Variants in PPIP5K2 observed in about 807,000 individuals in gnomAD.
The protein encoded by PPIP5K2 is inositol hexakisphosphate and diphosphoinositol-pentakisphosphate kinase 2.
In PPIP5K2, 105 loss-of-function variants were observed where a neutral mutation model predicts 154.6. The ratio of observed to expected loss-of-function variants is 0.68; its 90% CI spans 0.58 to 0.80. The LOEUF (loss-of-function observed/expected upper bound fraction) is 0.80, where lower values mean the gene tolerates loss of function less well. Among genes scored for constraint, PPIP5K2 ranks in the 30% least tolerant of loss-of-function variants. The pLI, the probability that PPIP5K2 is intolerant of heterozygous loss-of-function variation, is 0.00. For synonymous variants in PPIP5K2, 480 were observed against 490.3 expected (o/e 0.98, Z 0.28); for missense variants, 992 against 1,504.6 (o/e 0.66, Z 5.64).
At chr5:103,191,090 G>A (rs185363935) in intron 29 of PPIP5K2, 108 bp downstream of exon 29, 2 of 993,650 alleles carry the variant, frequency 2.0e-6, no homozygotes, top group Non-Finnish European at 2.9e-6. Context: ...GTAATGAGTA[G>A]GAGTACAAAG....
chr5:103,153,882 C>A lies in PPIP5K2; in HGVS notation c.1165C>A (p.His389Asn). ...ELRCVIAVIR[H>N]GDRTPKQKMK... ...TAGATGTGTCATAGCTGTTATACGT[C>A]ATGGGGATCGAACACCAAAACAAAA... The change falls in exon 11 of 31, where the codon CAT (histidine) becomes AAT (asparagine). Residue 389 changes from histidine to asparagine, a missense_variant. Physicochemically the swap from His to Asn is moderately conservative, Grantham distance 68. This residue lies in a region of PPIP5K2 where 163 missense variants were observed against 285.2 expected (regional missense o/e 0.57). Coordinates refer to ENST00000358359, the MANE Select transcript of PPIP5K2 (RefSeq NM_001276277.3). 1 of 1,607,540 alleles carries A rather than the reference C, an allele frequency of 6.2e-7. No individual in the cohort carries two copies. Among genetic ancestry groups the A allele is most frequent in the South Asian group, 1.1e-5 (1 of 90,142 alleles).
intron 21 of PPIP5K2, among the ~76,000 whole-genome samples, chr5:103,177,179 A>AT (rs1798854131): frequency 6.6e-6 from 1 of 151,934 alleles, no homozygotes; most frequent in South Asian, 2.1e-4. Flanking sequence ...TTTATTTTTC[A>AT]TTTTGTATAA....
intron 19 of PPIP5K2, among the ~76,000 whole-genome samples, chr5:103,171,247 A>T (rs1027391639): frequency 2.2e-4 from 33 of 151,590 alleles, no homozygotes; most frequent in African/African-American, 7.5e-4. Context: ...TTTAAAAATG[A>T]TGCTTTATAG....
intron 19 of PPIP5K2, among the ~76,000 whole-genome samples, chr5:103,171,266 G>T (rs1797936622): frequency 6.6e-6 from 1 of 151,434 alleles, no homozygotes; most frequent in Non-Finnish European, 1.5e-5. Flanking sequence ...AGCCATGATG[G>T]TATAGTGGTA....
In PPIP5K2 at chr5:103,201,627, AGAAAT is replaced by A. The variant is rs1554230496; in HGVS notation, c.3731_*3del. On this transcript the variant is annotated frameshift_variant and stop_lost, in exon 31 of 31. Coordinates refer to ENST00000358359, the MANE Select transcript of PPIP5K2 (RefSeq NM_001276277.3). LOFTEE classifies it high-confidence loss of function. Reference sequence around the variant, plus strand: ...GAACACAAAAAAAACACTGGGAAAAAGAAATGAAATCTTAGCAGAAGCTGGAACTT... The same window carrying A: ...GAACACAAAAAAAACACTGGGAAAAAGAAATCTTAGCAGAAGCTGGAACTT... 2 of 1,589,928 alleles carry A rather than the reference AGAAAT, an allele frequency of 1.3e-6. No individual in the cohort carries two copies. Among genetic ancestry groups the A allele is most frequent in the Non-Finnish European group, 1.7e-6 (2 of 1,163,494 alleles).
At chr5:103,144,249 A>G (rs1793357513) in intron 5 of PPIP5K2, among the ~76,000 whole-genome samples, 1 of 152,162 alleles carries the variant, frequency 6.6e-6, no homozygotes, top group Non-Finnish European at 1.5e-5. Context: ...TCTACAATGA[A>G]AACCATAAAA....
At chr5:103,128,673 C>G (rs1320501607) in intron 1 of PPIP5K2, among the ~76,000 whole-genome samples, 1 of 151,406 alleles carries the variant, frequency 6.6e-6, no homozygotes, top group Non-Finnish European at 1.5e-5. Context: ...TGCACATGTA[C>G]TTTTTTTTTC....
rs943301920 is a variant in PPIP5K2 at position 103,212,306 on chromosome 5, C to G, written c.*10672C>G. ...ACAATCCAGGGCACACACATGACTCCCGCAATAGGAAACCACACTGAAGAC... is the reference window on the plus strand; with the variant it reads ...ACAATCCAGGGCACACACATGACTCGCGCAATAGGAAACCACACTGAAGAC... On this transcript the variant is annotated 3_prime_UTR_variant, in exon 31 of 31. Coordinates refer to ENST00000358359, the MANE Select transcript of PPIP5K2 (RefSeq NM_001276277.3). 1 of 152,654 alleles carries G rather than the reference C, an allele frequency of 6.6e-6. No individual in the cohort carries two copies. The allele number at this position is 152,654 out of a possible 1,614,324, so 9.5% of individuals were successfully genotyped here. A position where few individuals can be genotyped will look rare whatever the true frequency, so the allele number is the denominator to read the frequency against.
At chr5:103,133,368 T>C in intron 2 of PPIP5K2, 85 bp from the exon 3 acceptor site, 2 of 1,114,078 alleles carry the variant, frequency 1.8e-6, no homozygotes, top group Non-Finnish European at 2.5e-6. Context: ...ACATGCCTTA[T>C]CTACTTTTGG....
chr5:103,158,691 G>C, intron 16 of PPIP5K2, 118 bp downstream of exon 16: 1 of 810,406 alleles, frequency 1.2e-6, no homozygotes, highest in Non-Finnish European at 1.8e-6. Context: ...GGAGGCTGAG[G>C]TGGTCAGATC....
Position 103,120,368 on chromosome 5 carries a change from C to G in PPIP5K2, c.-405C>G, listed in dbSNP as rs1554198487. The G allele has an allele frequency of 2.2e-6, 1 of 456,160 alleles. No homozygotes were observed. 28.3% of individuals were successfully genotyped at this position (456,160 alleles called of 1,614,324 possible). On this transcript the variant is annotated 5_prime_UTR_variant, in exon 1 of 31. Coordinates refer to ENST00000358359, the MANE Select transcript of PPIP5K2 (RefSeq NM_001276277.3). Reference sequence around the variant, plus strand: ...TGAAGGAAGTAGCCTACGTCCACGCCTACAACTGAAGTCTCTTGACAAACA... The same window carrying G: ...TGAAGGAAGTAGCCTACGTCCACGCGTACAACTGAAGTCTCTTGACAAACA...
Position 103,184,726 on chromosome 5 carries a change from A to T in PPIP5K2, c.3151A>T (p.Lys1051Ter). 6 of 1,612,340 alleles carry T rather than the reference A, an allele frequency of 3.7e-6. No homozygotes were observed. The highest frequency in any genetic ancestry group is 5.1e-6 in the Non-Finnish European group (6 of 1,178,556). ...LRTPRTLVEQ[K>*]QNPTVGSHCA... is the part of the protein sequence containing the mutation. ...AACACCAAGAACTCTTGTGGAACAG[A>T]AGCAGAATCCTACTGTAGGTATGTG... is the stretch of plus-strand genomic sequence containing the variant. The change falls in exon 26 of 31, where the codon AAG (lysine) becomes TAG (stop). Residue 1051 changes from lysine (K) to a stop codon, truncating the protein, a stop_gained. Transcript: ENST00000358359. LOFTEE classifies it high-confidence loss of function.
At chr5:103,147,857 CTA>C in intron 6 of PPIP5K2, 72 bp from the exon 7 acceptor site, 1 of 863,416 alleles carries the variant, frequency 1.2e-6, no homozygotes, top group Non-Finnish European at 1.8e-6. Flanking sequence ...GGTAAATAAA[CTA>C]TTTGTCATTT....
intron 2 of PPIP5K2, among the ~76,000 whole-genome samples, chr5:103,132,479 G>A (rs759494463): frequency 7.9e-5 from 12 of 152,100 alleles, no homozygotes; most frequent in Non-Finnish European, 2.9e-5. Flanking sequence ...CCGGGAGGCG[G>A]AGGTTGCAGT....
chr5:103,183,482 C>T (rs1404833996), intron 25 of PPIP5K2, 75 bp downstream of exon 25: 2 of 1,258,790 alleles, frequency 1.6e-6, no homozygotes, highest in Admixed American at 2.3e-5. Context: ...TTGAGGACAT[C>T]TAATCCCTTG....
rs976929956 is a variant in PPIP5K2, at chr5:103,206,569, T to C, written c.*4935T>C. ...ACATTTTGGACCATAAAATTCTACA[T>C]CATAGGAAGCTGTTCCATGCATAGC... On this transcript the variant is annotated 3_prime_UTR_variant, in exon 31 of 31. Transcript: ENST00000358359. 5 of 152,224 alleles carry C rather than the reference T, an allele frequency of 3.3e-5. No individual in the cohort carries two copies. Among genetic ancestry groups the C allele is most frequent in the African/African-American group, 1.2e-4 (5 of 41,458 alleles). The allele number at this position is 152,224 out of a possible 1,614,324, so 9.4% of individuals were successfully genotyped here. A position where few individuals can be genotyped will look rare whatever the true frequency, so the allele number is the denominator to read the frequency against.
In PPIP5K2 at chr5:103,209,874, A is replaced by G. The variant is rs1352318989; in HGVS notation, c.*8240A>G. 1 of 152,180 alleles carries G rather than the reference A, an allele frequency of 6.6e-6. No individual in the cohort carries two copies. The highest frequency in any genetic ancestry group is 1.9e-4 in the East Asian group (1 of 5,200). 9.4% of individuals were successfully genotyped at this position (152,180 alleles called of 1,614,324 possible). A position where few individuals can be genotyped will look rare whatever the true frequency, so the allele number is the denominator to read the frequency against. On this transcript the variant is annotated 3_prime_UTR_variant, in exon 31 of 31. Transcript: ENST00000358359. ...AAAGCAGCATCGCTGATGTGTGGGG[A>G]ATAAATTGGAAGTCATATCATTACG... is the stretch of plus-strand genomic sequence containing the variant.
chr5:103,209,632 A>C lies in PPIP5K2; in HGVS notation c.*7998A>C, dbSNP rs549776986. The stretch of plus-strand genomic sequence containing the variant: ...ACTTGATATATGGAAGGATTTTTTT[A>C]AAAAAAAGGAAAAATGAATATGCCT... On this transcript the variant is annotated 3_prime_UTR_variant, in exon 31 of 31. Transcript: ENST00000358359. 2 of 151,930 alleles carry C rather than the reference A, an allele frequency of 1.3e-5. No individual in the cohort carries two copies. The highest frequency in any genetic ancestry group is 2.9e-5 in the Non-Finnish European group (2 of 67,972). 9.4% of individuals were successfully genotyped at this position (151,930 alleles called of 1,614,324 possible).
intron 10 of PPIP5K2, among the ~76,000 whole-genome samples, chr5:103,153,043 C>T (rs1230031883): frequency 1.3e-5 from 2 of 151,848 alleles, no homozygotes; most frequent in African/African-American, 2.4e-5. Flanking sequence ...ACAACTTTTG[C>T]TCTCTCAAGT....
Sources: allele counts gnomAD v4.1 joint callset (sites outside exome capture counted in the v4.1 genomes callset), GRCh38; gene constraint gnomAD v4.1.1; regional missense constraint gnomAD v4.1.1; transcripts MANE v1.5; gene names NCBI Gene and HGNC (gene_info 2026-07-23, HGNC 2026-07-21).